Variants in PPHLN1 observed in about 807,000 individuals in gnomAD.
The protein encoded by PPHLN1 is periphilin-1.
PPHLN1 carries 29 observed loss-of-function variants against 51.3 expected under a neutral mutation model. That is an observed-to-expected ratio of 0.57 (90% CI 0.42 to 0.77). The LOEUF is 0.77. Among genes scored for constraint, PPHLN1 ranks in the 30% least tolerant of loss-of-function variants. PPHLN1 has a pLI of 0.00. For synonymous variants in PPHLN1, 147 were observed against 147.8 expected (o/e 0.99, Z 0.04); for missense variants, 436 against 438.4 (o/e 0.99, Z 0.05).
At chr12:42,415,850 T>C (rs2080329449) in intron 9 of PPHLN1, among the ~76,000 whole-genome samples, 1 of 152,238 alleles carries the variant, frequency 6.6e-6, no homozygotes, top group Non-Finnish European at 1.5e-5. Context: ...TCAAGTGACT[T>C]GTTCAAGTTT....
At chr12:42,382,114 AAC>A (rs1427581072) in intron 5 of PPHLN1, among the ~76,000 whole-genome samples, 1 of 152,164 alleles carries the variant, frequency 6.6e-6, no homozygotes, top group Non-Finnish European at 1.5e-5. Flanking sequence ...TTCGCAGGAA[AAC>A]ACAGCAGCAA....
intron 2 of PPHLN1, among the ~76,000 whole-genome samples, chr12:42,343,457 G>C (rs997160109): frequency 1.3e-5 from 2 of 152,056 alleles, no homozygotes; most frequent in African/African-American, 4.8e-5. Flanking sequence ...TACTAAACTT[G>C]CTTTATCATG....
chr12:42,447,482 A>T (rs1002776578), downstream of PPHLN1: 4 of 152,212 alleles, frequency 2.6e-5, no homozygotes, highest in Non-Finnish European at 4.4e-5. Context: ...CCCTCATCCA[A>T]ATCATGGGTT....
At chr12:42,385,411 A>G (rs1258683269) in intron 6 of PPHLN1, among the ~76,000 whole-genome samples, 1 of 152,182 alleles carries the variant, frequency 6.6e-6, no homozygotes, top group Non-Finnish European at 1.5e-5. Context: ...AACCTCCTGC[A>G]CCACCCTTCA....
At chr12:42,358,098 A>G (rs554077565) in intron 4 of PPHLN1, among the ~76,000 whole-genome samples, 3 of 152,204 alleles carry the variant, frequency 2.0e-5, no homozygotes, top group South Asian at 4.2e-4. Flanking sequence ...CATTGTATAT[A>G]TGTACTACAT....
intron 4 of PPHLN1, among the ~76,000 whole-genome samples, chr12:42,369,823 G>A (rs112886916): frequency 1.3e-5 from 2 of 152,134 alleles, no homozygotes; most frequent in African/African-American, 4.8e-5. Flanking sequence ...AACTTTGAAC[G>A]TCCTCATTTA....
Position 42,335,863 on chromosome 12 carries a change from ATTCT to A in PPHLN1, c.-20-17_-20-14del, listed in dbSNP as rs1275852994. 7.0e-7 allele frequency: 1 copy of A among 1,436,536 alleles called. No homozygotes were observed. The highest frequency in any genetic ancestry group is 9.4e-7 in the Non-Finnish European group (1 of 1,062,542). 89.0% of individuals were successfully genotyped at this position (1,436,536 alleles called of 1,614,324 possible). The stretch of plus-strand genomic sequence containing the variant: ...GTTACTTCCTAGTATAAAATCCATA[ATTCT>A]TTTTTTTTTCTTTAGTGGCTTACAG... On this transcript the variant is annotated splice_polypyrimidine_tract_variant and intron_variant, in intron 1 of 9. Transcript: ENST00000358314.
At chr12:42,402,660 A>G (rs1374523629) in intron 9 of PPHLN1, among the ~76,000 whole-genome samples, 1 of 150,428 alleles carries the variant, frequency 6.6e-6, no homozygotes, top group Non-Finnish European at 1.5e-5. Flanking sequence ...TTAACTATAG[A>G]ATTTTAAGTT....
Position 42,442,125 on chromosome 12 carries a change from A to G in PPHLN1, c.*616A>G, listed in dbSNP as rs746526233. The G allele has an allele frequency of 1.4e-4, 34 of 251,586 alleles. No homozygotes were observed. The highest frequency in any genetic ancestry group is 2.1e-4 in the Non-Finnish European group (33 of 159,056). The allele number at this position is 251,586 out of a possible 1,614,324, so 15.6% of individuals were successfully genotyped here. ...TCTCACTGATGTATGAGTCTTAAAT[A>G]ATATCATATACAAGACTAATAAATA... On this transcript the variant is annotated 3_prime_UTR_variant, in exon 10 of 10. Coordinates refer to ENST00000358314, the MANE Select transcript of PPHLN1 (RefSeq NM_201439.2).
intron 1 of PPHLN1, among the ~76,000 whole-genome samples, chr12:42,327,403 T>A (rs2068964302): frequency 6.6e-6 from 1 of 152,208 alleles, no homozygotes; most frequent in African/African-American, 2.4e-5. Flanking sequence ...ATTTAAAGGT[T>A]GGGCATGGCT....
rs1324775076 is a variant in PPHLN1 at position 42,400,321 on chromosome 12, AGCCGGGCGTAGTG to A, written c.909+1330_909+1342del. 2.6e-5 allele frequency: 4 copies of A among 151,494 alleles called. No individual in the cohort carries two copies. In the East Asian group the frequency reaches 5.8e-4, roughly 22 times the overall value. 9.4% of individuals were successfully genotyped at this position (151,494 alleles called of 1,614,324 possible). ...GTCTCTACTAAAAATACAAAAAATTAGCCGGGCGTAGTGGCGGGCACCTGTAGTCCCAGCTACT... is the reference window on the plus strand; with the variant it reads ...GTCTCTACTAAAAATACAAAAAATTAGCGGGCACCTGTAGTCCCAGCTACT... On this transcript the variant is annotated intron_variant, in intron 9 of 9. Coordinates refer to ENST00000358314, the MANE Select transcript of PPHLN1 (RefSeq NM_201439.2).
At chr12:42,387,345 G>C (rs891604069) in intron 6 of PPHLN1, 111 bp from the exon 7 acceptor site, 1 of 1,163,116 alleles carries the variant, frequency 8.6e-7, no homozygotes, top group Non-Finnish European at 1.2e-6. Flanking sequence ...GTAATGAAAA[G>C]TTTTAGTACT....
intron 4 of PPHLN1, chr12:42,359,624 G>A (rs1479739143): frequency 6.6e-6 from 1 of 152,196 alleles, no homozygotes; most frequent in East Asian, 1.9e-4. Context: ...TTTCCTACTT[G>A]AAAGACTTTG....
chr12:42,420,967 T>C (rs183162095), intron 9 of PPHLN1, among the ~76,000 whole-genome samples: 3 of 152,202 alleles, frequency 2.0e-5, no homozygotes, highest in Admixed American at 1.3e-4. Flanking sequence ...CTAAATCTAT[T>C]ATGGTTTTAA....
chr12:42,355,238 T>C lies in PPHLN1; in HGVS notation c.299+16T>C, dbSNP rs375197536. 6.2e-7 allele frequency: 1 copy of C among 1,604,858 alleles called. No individual in the cohort carries two copies. The highest frequency in any genetic ancestry group is 8.5e-7 in the Non-Finnish European group (1 of 1,171,924). ...CTGAATACAGGTAAAAGGATAAAAA[T>C]AATAGCATAAGTACTTTGATACTTG... is the stretch of plus-strand genomic sequence containing the variant. On this transcript the variant is annotated intron_variant, in intron 4 of 9. Coordinates refer to ENST00000358314, the MANE Select transcript of PPHLN1 (RefSeq NM_201439.2).
At chr12:42,337,030 C>T (rs2070755613) in intron 2 of PPHLN1, among the ~76,000 whole-genome samples, 1 of 152,160 alleles carries the variant, frequency 6.6e-6, no homozygotes, top group South Asian at 2.1e-4. Flanking sequence ...CATTATACTT[C>T]AGGATGGCCA....
At chr12:42,447,556 C>G (rs1170846590), downstream of PPHLN1, 1 of 152,146 alleles carries the variant, frequency 6.6e-6, no homozygotes, top group Non-Finnish European at 1.5e-5. Context: ...CTTCAGCAGC[C>G]CAGCGGCATT....
At chr12:42,418,988 C>T (rs74078940) in intron 9 of PPHLN1, among the ~76,000 whole-genome samples, 4,228 of 151,906 alleles carry the variant, frequency 0.028, 215 homozygotes, top group African/African-American at 0.097. Context: ...TTATAATTCC[C>T]GCATTACAAA....
intron 1 of PPHLN1, among the ~76,000 whole-genome samples, chr12:42,327,710 G>A (rs2069019688): frequency 6.6e-6 from 1 of 152,212 alleles, no homozygotes; most frequent in Admixed American, 6.5e-5. Flanking sequence ...GACTGTCGGT[G>A]AGGGACTGTG....
Sources: allele counts gnomAD v4.1 joint callset (sites outside exome capture counted in the v4.1 genomes callset), GRCh38; gene constraint gnomAD v4.1.1; transcripts MANE v1.5; gene names NCBI Gene and HGNC (gene_info 2026-07-23, HGNC 2026-07-21).